Variants in DCC observed in about 807,000 individuals in gnomAD.
The protein encoded by DCC is DCC netrin 1 receptor.
DCC carries 58 observed loss-of-function variants against 172.5 expected under a neutral mutation model. The observed-to-expected ratio is 0.34, with a 90% CI of 0.27 to 0.42. DCC has a LOEUF of 0.42. Among genes scored for constraint, DCC ranks in the 10% least tolerant of loss-of-function variants. The pLI, the probability that DCC is intolerant of heterozygous loss-of-function variation, is 1.00. For missense variants in DCC, 1,740 were observed against 1,791.0 expected, an observed-to-expected ratio of 0.97 and a Z score of 0.51; for synonymous variants, 709 against 644.5, an observed-to-expected ratio of 1.10 and a Z score of -1.52.
chr18:52,484,786 CA>C (rs1199647829), intron 1 of DCC, among the ~76,000 whole-genome samples: 2 of 150,904 alleles, frequency 1.3e-5, no homozygotes, highest in Non-Finnish European at 2.9e-5. Flanking sequence ...ACATCTCTCC[CA>C]GAACTTATAG....
intron 7 of DCC, among the ~76,000 whole-genome samples, chr18:53,134,916 C>T (rs544216817): frequency 3.4e-4 from 52 of 152,176 alleles, no homozygotes; most frequent in African/African-American, 7.5e-4. Flanking sequence ...CAGCTGATTC[C>T]GACTCATTCA....
At chr18:52,787,829 C>A (rs1193787280) in intron 2 of DCC, among the ~76,000 whole-genome samples, 1 of 152,004 alleles carries the variant, frequency 6.6e-6, no homozygotes, top group Non-Finnish European at 1.5e-5. Context: ...AAGCAAAAAT[C>A]TTTTATTAGC....
At chr18:52,486,747 A>G (rs2144594771) in intron 1 of DCC, among the ~76,000 whole-genome samples, 1 of 152,268 alleles carries the variant, frequency 6.6e-6, no homozygotes, top group South Asian at 2.1e-4. Context: ...TTTATGGCAA[A>G]TGGTGGGTTT....
intron 5 of DCC, among the ~76,000 whole-genome samples, chr18:52,927,298 C>T (rs2040234274): frequency 1.3e-5 from 2 of 150,200 alleles, no homozygotes; most frequent in South Asian, 2.1e-4. Context: ...TATGTATTGG[C>T]ATACTCATAC....
intron 5 of DCC, among the ~76,000 whole-genome samples, chr18:52,933,420 A>AG (rs936052005): frequency 2.0e-5 from 3 of 149,304 alleles, no homozygotes; most frequent in Admixed American, 1.3e-4. Context: ...GGGAGTGGTG[A>AG]GGGGAGAGTA....
chr18:52,628,111 T>C (rs974671285), intron 1 of DCC, among the ~76,000 whole-genome samples: 1 of 152,214 alleles, frequency 6.6e-6, no homozygotes, highest in African/African-American at 2.4e-5. Context: ...ACATTTGAGA[T>C]GGCATCAACT....
chr18:53,202,496 G>A (rs1018754434), intron 9 of DCC, among the ~76,000 whole-genome samples: 1 of 152,166 alleles, frequency 6.6e-6, no homozygotes, highest in Non-Finnish European at 1.5e-5. Flanking sequence ...AGGAATGCTG[G>A]AATAGGAAAA....
chr18:52,922,017 A>C (rs1052917024), intron 3 of DCC, among the ~76,000 whole-genome samples: 4 of 152,108 alleles, frequency 2.6e-5, no homozygotes. Context: ...ATTATTAAGC[A>C]GTATTGTCTT....
chr18:52,743,125 A>C (rs2036849006), intron 1 of DCC, among the ~76,000 whole-genome samples: 1 of 152,144 alleles, frequency 6.6e-6, no homozygotes, highest in Non-Finnish European at 1.5e-5. Context: ...GGCATCTCCA[A>C]AGCTTGTCTA....
intron 5 of DCC, among the ~76,000 whole-genome samples, chr18:53,011,367 T>C (rs1486546620): frequency 6.6e-6 from 1 of 151,762 alleles, no homozygotes; most frequent in African/African-American, 2.4e-5. Context: ...TATAACCCCA[T>C]ATTTTTTAGC....
chr18:52,851,544 T>A (rs2145340690), intron 2 of DCC, among the ~76,000 whole-genome samples: 2 of 152,238 alleles, frequency 1.3e-5, no homozygotes, highest in Non-Finnish European at 2.9e-5. Flanking sequence ...AAAGTTTGTA[T>A]GTTGTTTCCC....
intron 1 of DCC, among the ~76,000 whole-genome samples, chr18:52,636,586 G>T (rs970048954): frequency 5.9e-5 from 9 of 152,008 alleles, no homozygotes; most frequent in African/African-American, 2.2e-4. Context: ...CTGACAACCT[G>T]CATGACTCAG....
intron 1 of DCC, among the ~76,000 whole-genome samples, chr18:52,679,306 G>A (rs1241973503): frequency 6.6e-6 from 1 of 151,916 alleles, no homozygotes; most frequent in African/African-American, 2.4e-5. Context: ...TCCCCACCAA[G>A]CACTAGGAGG....
At chr18:52,760,121 G>A (rs956298785) in intron 2 of DCC, among the ~76,000 whole-genome samples, 6 of 152,182 alleles carry the variant, frequency 3.9e-5, no homozygotes, top group Non-Finnish European at 8.8e-5. Context: ...AGGTTTAATT[G>A]ACTCACAGTT....
At chr18:52,869,656 A>T (rs1213685179) in intron 2 of DCC, among the ~76,000 whole-genome samples, 1 of 152,214 alleles carries the variant, frequency 6.6e-6, no homozygotes, top group African/African-American at 2.4e-5. Flanking sequence ...GCCAGCACCG[A>T]GCTGCCCTCA....
intron 1 of DCC, among the ~76,000 whole-genome samples, chr18:52,686,182 A>G (rs1319131645): frequency 6.6e-6 from 1 of 151,970 alleles, no homozygotes; most frequent in South Asian, 2.1e-4. Context: ...GTGCATGCTG[A>G]TCTCCTCATT....
At chr18:53,517,856 T>C (rs1598839994) in intron 27 of DCC, among the ~76,000 whole-genome samples, 1 of 152,070 alleles carries the variant, frequency 6.6e-6, no homozygotes, top group African/African-American at 2.4e-5. Flanking sequence ...TGTTGCAAAA[T>C]TTATAGTTTG....
At chr18:53,147,298 G>A (rs997877025) in intron 7 of DCC, among the ~76,000 whole-genome samples, 3 of 152,096 alleles carry the variant, frequency 2.0e-5, no homozygotes, top group Non-Finnish European at 2.9e-5. Flanking sequence ...AGAAGTAGTC[G>A]GGGCCTTTTT....
intron 2 of DCC, among the ~76,000 whole-genome samples, chr18:52,829,928 A>G (rs1322104949): frequency 6.6e-6 from 1 of 152,154 alleles, no homozygotes. Flanking sequence ...CACTTTAAAT[A>G]TTGTGGTCAG....
Sources: gnomAD v4.1 joint callset for allele counts (sites outside exome capture counted in the v4.1 genomes callset) on GRCh38, gnomAD v4.1.1 for gene constraint, MANE v1.5 for transcripts, NCBI Gene and HGNC (gene_info 2026-07-23, HGNC 2026-07-21) for gene names.